MS4A6A: variants seen among roughly 807,000 people sequenced by gnomAD.
The protein encoded by MS4A6A is membrane-spanning 4-domains subfamily A member 6A.
A neutral mutation model predicts 20.6 loss-of-function variants in MS4A6A; 19 were observed. That is an observed-to-expected ratio of 0.92 (90% CI 0.64 to 1.36). MS4A6A has a LOEUF of 1.36. Among genes scored for constraint, MS4A6A ranks in the 40% most tolerant of loss-of-function variants. MS4A6A has a pLI of 0.00. For missense variants in MS4A6A, 272 were observed against 261.1 expected (o/e 1.04, Z -0.29); for synonymous variants, 108 against 105.0 (o/e 1.03, Z -0.17).
Position 60,181,620 on chromosome 11 carries a change from G to C in MS4A6A, c.108C>G (p.Ser36Arg). ...TTTCTGCGTGTAGATGTTTCTTCAG[G>C]CTATCCTGCCCCTGGTTGGTGGGTT... ...KPEPTNQGQD[S>R]LKKHLHAEIK... The change falls in exon 2 of 6, where the codon AGC becomes AGG. Residue 36 changes from serine (S) to arginine (R), a missense_variant. Ser to Arg is a moderately radical substitution (Grantham distance 110). Transcript: ENST00000528851. 18 of 1,614,070 alleles carry C rather than the reference G, an allele frequency of 1.1e-5. No individual in the cohort carries two copies. Among genetic ancestry groups the C allele is most frequent in the Non-Finnish European group, 1.4e-5 (16 of 1,179,984 alleles).
downstream of MS4A6A, chr11:60,172,493 G>T: frequency 8.1e-7 from 1 of 1,229,158 alleles, no homozygotes; most frequent in Non-Finnish European, 1.0e-6. Flanking sequence ...TAAGTCCATA[G>T]GGGTTTGATT....
At chr11:60,181,390 A>T in intron 2 of MS4A6A, 191 bp downstream of exon 2, 1 of 618,780 alleles carries the variant, frequency 1.6e-6, no homozygotes, top group Non-Finnish European at 2.8e-6. Flanking sequence ...AGAATAAGGG[A>T]AAATATATTT....
rs1370039939 is a variant in MS4A6A, at chr11:60,183,026, T to TC, written c.-64_-63insG. 2.1e-6 allele frequency: 3 copies of TC among 1,432,822 alleles called. No homozygotes were observed. The highest frequency in any genetic ancestry group is 2.7e-6 in the Non-Finnish European group (3 of 1,101,560). 88.8% of individuals were successfully genotyped at this position (1,432,822 alleles called of 1,614,324 possible). On this transcript the variant is annotated 5_prime_UTR_variant, in exon 1 of 6. It removes the in-frame stop codon of an upstream open reading frame in the 5' UTR. Transcript: ENST00000528851. ...GTCCTCAGAAGCTCCAAAGAGGTTTTAACTCTGGTTTCTCAGTCCCATCAA... is the reference window on the plus strand; with the variant it reads ...GTCCTCAGAAGCTCCAAAGAGGTTTTCAACTCTGGTTTCTCAGTCCCATCAA...
chr11:60,181,657 G>T lies in MS4A6A; in HGVS notation c.71C>A (p.Ala24Glu), dbSNP rs778801218. The change falls in exon 2 of 6, where the codon GCA becomes GAA. Residue 24 changes from alanine to glutamate, a missense_variant. By Grantham distance (107) the Ala-to-Glu change is moderately radical (BLOSUM62 -1). Coordinates refer to ENST00000528851, the MANE Select transcript of MS4A6A (RefSeq NM_022349.4). ...CTGGTTGGTGGGTTCGGGTTTCTCTGCTTGGGAGAAGTTGATGACATTTGA... is the reference window on the plus strand; with the variant it reads ...CTGGTTGGTGGGTTCGGGTTTCTCTTCTTGGGAGAAGTTGATGACATTTGA... ...LPSNVINFSQ[A>E]EKPEPTNQGQ... 4.3e-6 allele frequency: 7 copies of T among 1,613,994 alleles called. No individual in the cohort carries two copies. The East Asian group carries it at 1.6e-4, about 36-fold the overall frequency.
chr11:60,180,789 C>G (rs1465624377), intron 2 of MS4A6A: 2 of 297,268 alleles, frequency 6.7e-6, no homozygotes, highest in African/African-American at 4.4e-5. Context: ...ATAACTGAAG[C>G]TCTGTCTTAG....
intron 2 of MS4A6A, chr11:60,180,948 G>A (rs1244997809): frequency 9.3e-6 from 4 of 429,672 alleles, no homozygotes; most frequent in African/African-American, 6.2e-5. Context: ...ACCAGGTCCT[G>A]AAATCCAGTC....
At chr11:60,173,964 A>G (rs1477725080) in intron 5 of MS4A6A, among the ~76,000 whole-genome samples, 1 of 152,216 alleles carries the variant, frequency 6.6e-6, no homozygotes, top group Non-Finnish European at 1.5e-5. Flanking sequence ...AACTTTTTCC[A>G]TTACTGGAAA....
intron 3 of MS4A6A, 178 bp downstream of exon 3, chr11:60,179,653 G>T: frequency 1.4e-6 from 1 of 694,624 alleles, no homozygotes; most frequent in Non-Finnish European, 2.6e-6. Context: ...AGTCTGATAA[G>T]AAATTGATCT....
At chr11:60,180,227 C>T in intron 2 of MS4A6A, 1 of 495,036 alleles carries the variant, frequency 2.0e-6, no homozygotes, top group East Asian at 3.4e-5. Context: ...CTGGTCTGCT[C>T]ATGAGACTTG....
At chr11:60,177,229 G>A (rs758124906) in intron 4 of MS4A6A, 1 of 152,100 alleles carries the variant, frequency 6.6e-6, no homozygotes, top group Non-Finnish European at 1.5e-5. Flanking sequence ...TAGTAGTTCC[G>A]AGTCTAACTG....
intron 4 of MS4A6A, among the ~76,000 whole-genome samples, chr11:60,176,266 G>A (rs1380464253): frequency 6.6e-6 from 1 of 152,284 alleles, no homozygotes; most frequent in East Asian, 1.9e-4. Flanking sequence ...AGGTCTAGGT[G>A]CAGGCCCAAG....
chr11:60,178,332 A>G lies in MS4A6A; in HGVS notation c.283-16T>C. On this transcript the variant is annotated splice_polypyrimidine_tract_variant and intron_variant, in intron 3 of 5. Transcript: ENST00000528851. ...AGATGATAAACTAAGATAAAAGAGA[A>G]AATGGTCAGGTCAGATTCCATGTAC... 1 of 1,612,048 alleles carries G rather than the reference A, an allele frequency of 6.2e-7. No homozygotes were observed. Among genetic ancestry groups the G allele is most frequent in the Non-Finnish European group, 8.5e-7 (1 of 1,178,210 alleles).
At chr11:60,179,536 T>G in intron 3 of MS4A6A, 1 of 593,354 alleles carries the variant, frequency 1.7e-6, no homozygotes, top group Non-Finnish European at 3.0e-6. Context: ...TTATCCTAAT[T>G]CATGGATTTT....
intron 5 of MS4A6A, 22 bp downstream of exon 5, chr11:60,175,380 C>G (rs1009636845): frequency 6.4e-7 from 1 of 1,554,222 alleles, no homozygotes. Context: ...AAGATTAGAA[C>G]ATCCCATCTA....
chr11:60,180,392 C>T (rs1320715686), intron 2 of MS4A6A: 1 of 168,170 alleles, frequency 5.9e-6, no homozygotes, highest in African/African-American at 2.4e-5. Context: ...AGGCCCTCCC[C>T]TCATCTCCCA....
At chr11:60,178,643 A>G (rs970933713) in intron 3 of MS4A6A, among the ~76,000 whole-genome samples, 1 of 152,112 alleles carries the variant, frequency 6.6e-6, no homozygotes. Flanking sequence ...AGGGAAGGAC[A>G]TAAAAGCAAT....
chr11:60,179,564 G>A, intron 3 of MS4A6A: 1 of 587,028 alleles, frequency 1.7e-6, no homozygotes, highest in South Asian at 2.1e-5. Flanking sequence ...CCTAAACCTG[G>A]AGAGAAGTCA....
intron 1 of MS4A6A, 39 bp from the exon 2 acceptor site, chr11:60,181,780 A>G: frequency 1.2e-6 from 2 of 1,602,790 alleles, no homozygotes; most frequent in Non-Finnish European, 1.7e-6. Context: ...TAAAAAGTAC[A>G]GAGCTCCCAG....
In MS4A6A at chr11:60,179,917, A is replaced by G. The variant is rs746255438; in HGVS notation, c.196T>C (p.Leu66=). 1 of 1,614,030 alleles carries G rather than the reference A, an allele frequency of 6.2e-7. No homozygotes were observed. The highest frequency in any genetic ancestry group is 8.5e-7 in the Non-Finnish European group (1 of 1,180,022). ...TTTGGAGAGAAGGAAGCAGATGCCA[A>G]AATGATCCCCAAGCTCAATACCATC... ...GMMVLSLGII[L]ASASFSPNFT... Residue 66 remains leucine, a synonymous_variant, in exon 3 of 6, where the codon TTG becomes CTG. Transcript: ENST00000528851.
Sources: gnomAD v4.1 joint callset for allele counts (sites outside exome capture counted in the v4.1 genomes callset) on GRCh38, gnomAD v4.1.1 for gene constraint, MANE v1.5 for transcripts, NCBI Gene and HGNC (gene_info 2026-07-23, HGNC 2026-07-21) for gene names.